ANKS1B: variants seen among roughly 807,000 people sequenced by gnomAD.
ANKS1B encodes ankyrin repeat and sterile alpha motif domain containing 1B.
Under a neutral mutation model 148.3 loss-of-function variants are expected in ANKS1B, and 36 were observed. The ratio of observed to expected loss-of-function variants is 0.24; its 90% CI spans 0.19 to 0.32. The LOEUF (loss-of-function observed/expected upper bound fraction) is 0.32. Ranked by LOEUF, ANKS1B falls within the 10% of genes least tolerant of loss-of-function variation. The pLI is 1.00. For missense variants in ANKS1B, 1,157 were observed against 1,542.6 expected, an observed-to-expected ratio of 0.75 and a Z score of 4.19; for synonymous variants, 542 against 560.8, an observed-to-expected ratio of 0.97 and a Z score of 0.47.
chr12:99,510,383 T>C (rs1053847428), intron 9 of ANKS1B, among the ~76,000 whole-genome samples: 1 of 151,962 alleles, frequency 6.6e-6, no homozygotes, highest in African/African-American at 2.4e-5. Context: ...TCAGAACATT[T>C]GTGATTCATC....
chr12:99,372,463 T>G (rs1339395575), intron 12 of ANKS1B, among the ~76,000 whole-genome samples: 3 of 152,140 alleles, frequency 2.0e-5, no homozygotes, highest in Admixed American at 6.6e-5. Context: ...CAGCTGTTTG[T>G]GATTTCAGGG....
intron 8 of ANKS1B, among the ~76,000 whole-genome samples, chr12:99,707,403 A>G (rs1462882407): frequency 6.6e-6 from 1 of 152,130 alleles, no homozygotes; most frequent in Non-Finnish European, 1.5e-5. Context: ...ATGTCACCCA[A>G]GAGGTAAAGT....
At chr12:99,201,384 C>G (rs2082051382) in intron 14 of ANKS1B, among the ~76,000 whole-genome samples, 1 of 151,622 alleles carries the variant, frequency 6.6e-6, no homozygotes, top group South Asian at 2.1e-4. Flanking sequence ...TGAATAAATA[C>G]TCTTAACTCA....
intron 14 of ANKS1B, among the ~76,000 whole-genome samples, chr12:99,228,157 G>A (rs2086240148): frequency 1.3e-5 from 2 of 152,096 alleles, no homozygotes; most frequent in South Asian, 2.1e-4. Flanking sequence ...TGAGGAAATT[G>A]AGGGTTATTC....
intron 17 of ANKS1B, among the ~76,000 whole-genome samples, chr12:98,986,433 T>C (rs2099923426): frequency 6.6e-6 from 1 of 152,192 alleles, no homozygotes; most frequent in African/African-American, 2.4e-5. Flanking sequence ...TATTGTCTTA[T>C]CTTCAAGTCC....
At chr12:98,935,648 C>T (rs1197994225) in intron 17 of ANKS1B, among the ~76,000 whole-genome samples, 1 of 152,126 alleles carries the variant, frequency 6.6e-6, no homozygotes, top group African/African-American at 2.4e-5. Flanking sequence ...ACAGTCTTGC[C>T]TCTTGAATGA....
At chr12:99,261,334 T>C (rs1256410232) in intron 12 of ANKS1B, among the ~76,000 whole-genome samples, 3 of 152,152 alleles carry the variant, frequency 2.0e-5, no homozygotes, top group African/African-American at 7.2e-5. Context: ...GTTTTCATCC[T>C]ACCTCCTAGG....
chr12:99,831,104 A>T (rs1312748630), intron 1 of ANKS1B, among the ~76,000 whole-genome samples: 1 of 152,142 alleles, frequency 6.6e-6, no homozygotes, highest in African/African-American at 2.4e-5. Flanking sequence ...GCTCCACCAC[A>T]CTATCTTTGG....
rs532491670 is a variant in ANKS1B, at chr12:99,573,175, C to T, written c.1273-68534G>A. On this transcript the variant is annotated intron_variant, in intron 9 of 26. Coordinates refer to ENST00000683438, the MANE Select transcript of ANKS1B (RefSeq NM_001352186.2). Reference sequence around the variant, plus strand: ...ATTTAGGCCACAAACAGATTTTCAGCATCTATTGATTTACTAATATAGCTT... The same window carrying T: ...ATTTAGGCCACAAACAGATTTTCAGTATCTATTGATTTACTAATATAGCTT... Among the ~76,000 whole-genome samples, 280 of 152,140 alleles carry T rather than the reference C, an allele frequency of 1.8e-3. 1 individual carries two copies. The highest frequency in any genetic ancestry group is 6.6e-3 in the African/African-American group (274 of 41,528).
chr12:99,844,485 A>G (rs1484442691), intron 1 of ANKS1B, among the ~76,000 whole-genome samples: 1 of 152,124 alleles, frequency 6.6e-6, no homozygotes, highest in Non-Finnish European at 1.5e-5. Context: ...AGCACCATTT[A>G]TTAAATAGGG....
At chr12:99,170,669 G>A (rs544547362) in intron 14 of ANKS1B, among the ~76,000 whole-genome samples, 1 of 152,086 alleles carries the variant, frequency 6.6e-6, no homozygotes, top group East Asian at 1.9e-4. Flanking sequence ...AGACAAAAAT[G>A]CATGGGGTGA....
Position 98,773,558 on chromosome 12 carries a change from A to G in ANKS1B, c.3442-379T>C, listed in dbSNP as rs746494234. On this transcript the variant is annotated intron_variant, in intron 24 of 26. Transcript: ENST00000683438. ...CAGCCTCCCGCTCCCAGGTTCAAGCAATTCTCCTGCCTCAGCCTCCCGAAT... is the reference window on the plus strand; with the variant it reads ...CAGCCTCCCGCTCCCAGGTTCAAGCGATTCTCCTGCCTCAGCCTCCCGAAT... 8.2e-4 allele frequency among the ~76,000 whole-genome samples: 124 copies of G among 152,014 alleles called. 1 individual carries two copies. Among genetic ancestry groups the G allele is most frequent in the African/African-American group, 2.4e-3 (101 of 41,378 alleles).
intron 1 of ANKS1B, among the ~76,000 whole-genome samples, chr12:99,880,766 T>G (rs2092430064): frequency 6.6e-6 from 1 of 152,200 alleles, no homozygotes; most frequent in African/African-American, 2.4e-5. Context: ...TTGCATGGAT[T>G]GAAAGATTTG....
chr12:99,834,478 T>C (rs2084513434), intron 1 of ANKS1B, among the ~76,000 whole-genome samples: 1 of 152,212 alleles, frequency 6.6e-6, no homozygotes, highest in South Asian at 2.1e-4. Context: ...CTTTGTTATA[T>C]TATTTGCACT....
chr12:99,690,940 G>T (rs955112922), intron 8 of ANKS1B, among the ~76,000 whole-genome samples: 1 of 152,176 alleles, frequency 6.6e-6, no homozygotes, highest in Middle Eastern at 3.4e-3. Context: ...TGCCCCTGTA[G>T]CAAACTTCTG....
chr12:98,955,396 A>G (rs767383009), intron 17 of ANKS1B, among the ~76,000 whole-genome samples: 8 of 152,140 alleles, frequency 5.3e-5, no homozygotes, highest in Non-Finnish European at 1.2e-4. Context: ...GGTTTGAAGT[A>G]GAAGGAGCTT....
intron 8 of ANKS1B, among the ~76,000 whole-genome samples, chr12:99,702,034 CCTTT>C (rs1161718404): frequency 6.6e-6 from 1 of 152,040 alleles, no homozygotes; most frequent in South Asian, 2.1e-4. Context: ...ATACTGATTT[CCTTT>C]CTTTTGAGTT....
chr12:99,946,958 T>C (rs969089931), intron 1 of ANKS1B, among the ~76,000 whole-genome samples: 5 of 151,702 alleles, frequency 3.3e-5, no homozygotes, highest in African/African-American at 1.2e-4. Context: ...AGACAGCAAG[T>C]TTGTGGTGGT....
rs545327773 is a variant in ANKS1B, at chr12:99,816,341, GT to G, written c.216-4031del. ...TGCCTACTTTTTGATGGGATTATTTGTTTTTTTTCTTGCTTATTTGTTTAAG... is the reference window on the plus strand; with the variant it reads ...TGCCTACTTTTTGATGGGATTATTTGTTTTTTTCTTGCTTATTTGTTTAAG... On this transcript the variant is annotated intron_variant, in intron 2 of 26. Coordinates refer to ENST00000683438, the MANE Select transcript of ANKS1B (RefSeq NM_001352186.2). 3.3e-3 allele frequency among the ~76,000 whole-genome samples: 498 copies of G among 151,100 alleles called. 2 individuals are homozygous for G. The highest frequency in any genetic ancestry group is 0.012 in the African/African-American group (477 of 41,296).
Sources: gnomAD v4.1 joint callset for allele counts (sites outside exome capture counted in the v4.1 genomes callset) on GRCh38, gnomAD v4.1.1 for gene constraint, MANE v1.5 for transcripts, NCBI Gene and HGNC (gene_info 2026-07-23, HGNC 2026-07-21) for gene names.